The following HOOK3 variants were observed in gnomAD, a reference collection of about 807,000 sequenced individuals.
HOOK3 encodes hook microtubule tethering protein 3.
Under a neutral mutation model 116.3 loss-of-function variants are expected in HOOK3, and 24 were observed. That is an observed-to-expected ratio of 0.21 (90% CI 0.15 to 0.29). The LOEUF is 0.29. HOOK3 is among the 10% of genes least tolerant of loss of function. The pLI is 1.00. For missense variants in HOOK3, 632 were observed against 830.2 expected, an observed-to-expected ratio of 0.76 and a Z score of 2.93; for synonymous variants, 275 against 283.0, an observed-to-expected ratio of 0.97 and a Z score of 0.28.
At chr8:42,952,537 C>T (rs563423786) in intron 6 of HOOK3, among the ~76,000 whole-genome samples, 13 of 152,254 alleles carry the variant, frequency 8.5e-5, no homozygotes, top group South Asian at 2.1e-4. Context: ...GAGGTCAGGC[C>T]GATAACAAAG....
intron 1 of HOOK3, among the ~76,000 whole-genome samples, chr8:42,905,333 G>T (rs924036161): frequency 6.2e-5 from 9 of 146,258 alleles, no homozygotes; most frequent in Non-Finnish European, 6.0e-5. Flanking sequence ...TTTGGGGGGG[G>T]GGGTGCCGTG....
chr8:42,897,892 G>C (rs1235110539), intron 1 of HOOK3, among the ~76,000 whole-genome samples: 3 of 152,226 alleles, frequency 2.0e-5, no homozygotes, highest in Admixed American at 2.0e-4. Context: ...CAGGGGAACC[G>C]ACGCCCGGGT....
intron 17 of HOOK3, among the ~76,000 whole-genome samples, chr8:43,002,756 T>C (rs756310536): frequency 6.6e-6 from 1 of 152,206 alleles, no homozygotes; most frequent in Non-Finnish European, 1.5e-5. Flanking sequence ...TTTCCCAGGC[T>C]GGACTTGAAC....
intron 18 of HOOK3, among the ~76,000 whole-genome samples, chr8:43,008,283 G>T (rs995525690): frequency 6.6e-5 from 10 of 152,038 alleles, no homozygotes; most frequent in African/African-American, 2.4e-4. Context: ...CTCCCAAAGT[G>T]CTGAGATTAC....
intron 13 of HOOK3, 118 bp downstream of exon 13, chr8:42,974,312 C>T (rs1808778989): frequency 3.2e-6 from 2 of 621,328 alleles, no homozygotes; most frequent in Admixed American, 5.4e-5. Flanking sequence ...GCAACCTCTG[C>T]CTCCTGGAAC....
chr8:43,012,752 A>C (rs1809636859), intron 19 of HOOK3, among the ~76,000 whole-genome samples: 1 of 152,084 alleles, frequency 6.6e-6, no homozygotes, highest in Non-Finnish European at 1.5e-5. Flanking sequence ...GGGGTGCACC[A>C]CCACACCCAG....
Position 42,968,129 on chromosome 8 carries a change from T to C in HOOK3, c.1037T>C (p.Met346Thr), listed in dbSNP as rs1054901337. ...AAACTCTTAGAAGAGAAGAATACCA[T>C]GTATATGCAGAATACTGTCAGTCTA... ...QVKLLEEKNT[M>T]YMQNTVSLEE... Residue 346 changes from methionine (M) to threonine (T), a missense_variant, in exon 11 of 22, where the codon ATG (methionine) becomes ACG (threonine). Physicochemically the swap from Met to Thr is moderately conservative, Grantham distance 81. Around this residue, in one of 3 missense-constraint regions of HOOK3, gnomAD observed 483 missense variants for 648.1 expected, o/e 0.75. Coordinates refer to ENST00000307602, the MANE Select transcript of HOOK3 (RefSeq NM_032410.4). The C allele has an allele frequency of 1.9e-6, 3 of 1,613,186 alleles. No individual in the cohort carries two copies. Among genetic ancestry groups the C allele is most frequent in the African/African-American group, 1.3e-5 (1 of 74,870 alleles).
chr8:42,968,569 A>G (rs1396731144), intron 11 of HOOK3, among the ~76,000 whole-genome samples: 1 of 152,156 alleles, frequency 6.6e-6, no homozygotes, highest in East Asian at 1.9e-4. Flanking sequence ...AGCTCAAGTG[A>G]TCCACCAGCC....
chr8:43,007,772 G>C, intron 17 of HOOK3, 75 bp from the exon 18 acceptor site: 1 of 790,168 alleles, frequency 1.3e-6, no homozygotes, highest in Non-Finnish European at 2.0e-6. Flanking sequence ...CCAAATATAA[G>C]GAACTCAGAT....
At chr8:42,930,246 A>C (rs905187505) in intron 4 of HOOK3, 74 bp downstream of exon 4, 2 of 1,286,738 alleles carry the variant, frequency 1.6e-6, no homozygotes, top group African/African-American at 1.5e-5. Context: ...TTTCAAGTTA[A>C]GGAAAAATTG....
rs112342358 is a variant in HOOK3, at chr8:42,993,346, C to T, written c.1533-4204C>T. Among the ~76,000 whole-genome samples, 1,001 of 152,268 alleles carry T rather than the reference C, an allele frequency of 6.6e-3. 22 individuals are homozygous for T. The highest frequency in any genetic ancestry group is 0.023 in the African/African-American group (966 of 41,540). ...TAGCTTAGTAGAGCCAGGTTTTCAC[C>T]GTGTTGGCCAGGCTGGTCTCGAACT... On this transcript the variant is annotated intron_variant, in intron 15 of 21. Transcript: ENST00000307602.
At chr8:42,927,200 C>T (rs1807781617) in intron 3 of HOOK3, among the ~76,000 whole-genome samples, 1 of 148,188 alleles carries the variant, frequency 6.7e-6, no homozygotes, top group South Asian at 2.1e-4. Context: ...AATCTAATTC[C>T]TTCTTTTTAC....
intron 17 of HOOK3, among the ~76,000 whole-genome samples, chr8:43,006,803 G>C (rs901052760): frequency 6.6e-6 from 1 of 151,962 alleles, no homozygotes. Context: ...TCAGAAAGAC[G>C]TAAAGTGCTT....
chr8:42,902,652 C>A (rs1331421565), intron 1 of HOOK3, among the ~76,000 whole-genome samples: 1 of 152,098 alleles, frequency 6.6e-6, no homozygotes, highest in East Asian at 1.9e-4. Flanking sequence ...TTGCAAAATA[C>A]CTCATGGGCA....
chr8:42,972,840 G>A (rs1204055390), intron 11 of HOOK3, among the ~76,000 whole-genome samples: 2 of 152,014 alleles, frequency 1.3e-5, no homozygotes, highest in African/African-American at 2.4e-5. Context: ...TCCTTTTAAA[G>A]CTCTAGGTTC....
At chr8:42,963,091 T>C (rs1275240086) in intron 8 of HOOK3, among the ~76,000 whole-genome samples, 3 of 152,180 alleles carry the variant, frequency 2.0e-5, no homozygotes, top group African/African-American at 7.2e-5. Context: ...TGTGAGCTGC[T>C]GCACCCAGCC....
intron 2 of HOOK3, among the ~76,000 whole-genome samples, chr8:42,910,477 T>G (rs1249910376): frequency 6.6e-6 from 1 of 152,186 alleles, no homozygotes; most frequent in Admixed American, 6.5e-5. Flanking sequence ...ATACAGAACT[T>G]TCCAGCTCCT....
intron 6 of HOOK3, among the ~76,000 whole-genome samples, chr8:42,952,606 C>T (rs986871531): frequency 1.3e-5 from 2 of 152,184 alleles, no homozygotes; most frequent in Non-Finnish European, 2.9e-5. Flanking sequence ...CATCTGGAGT[C>T]ATCTCCTTAG....
chr8:42,966,566 T>C lies in HOOK3; in HGVS notation c.873T>C (p.Thr291=), dbSNP rs1808636514. The part of the protein sequence containing the change: ...ELRQQNDELT[T]LADEAQSLKD... Reference sequence around the variant, plus strand: ...GGCAACAGAATGATGAACTGACCACTTTGGCAGATGAAGCTCAGTCTCTGA... The same window carrying C: ...GGCAACAGAATGATGAACTGACCACCTTGGCAGATGAAGCTCAGTCTCTGA... Residue 291 remains threonine, a synonymous_variant, in exon 10 of 22, where the codon ACT becomes ACC. Coordinates refer to ENST00000307602, the MANE Select transcript of HOOK3 (RefSeq NM_032410.4). 4.3e-6 allele frequency: 7 copies of C among 1,614,014 alleles called. No individual in the cohort carries two copies. Among genetic ancestry groups the C allele is most frequent in the Non-Finnish European group, 5.9e-6 (7 of 1,180,008 alleles).
Sources: gnomAD v4.1 joint callset for allele counts (sites outside exome capture counted in the v4.1 genomes callset) on GRCh38, gnomAD v4.1.1 for gene constraint, gnomAD v4.1.1 regional missense constraint, MANE v1.5 for transcripts, NCBI Gene and HGNC (gene_info 2026-07-23, HGNC 2026-07-21) for gene names.